Variants in ARHGAP32 observed in about 807,000 individuals in gnomAD.
ARHGAP32 encodes Rho GTPase activating protein 32.
A neutral mutation model predicts 186.5 loss-of-function variants in ARHGAP32; 51 were observed. That is an observed-to-expected ratio of 0.27 (90% confidence interval 0.22 to 0.35). ARHGAP32 has a LOEUF of 0.35. ARHGAP32 is among the 10% of genes least tolerant of loss of function. The pLI is 1.00. For missense variants in ARHGAP32, 2,186 were observed against 2,623.5 expected (o/e 0.83, Z 3.64); for synonymous variants, 950 against 964.3 (o/e 0.99, Z 0.27).
intron 6 of ARHGAP32, among the ~76,000 whole-genome samples, chr11:129,082,970 C>T (rs987368331): frequency 6.6e-6 from 1 of 151,994 alleles, no homozygotes; most frequent in Admixed American, 6.6e-5. Context: ...AGAAGATATA[C>T]AAATGGCCAA....
intron 1 of ARHGAP32, among the ~76,000 whole-genome samples, chr11:129,213,136 C>T (rs1944602196): frequency 6.6e-6 from 1 of 152,148 alleles, no homozygotes; most frequent in Admixed American, 6.6e-5. Context: ...TGTCTAGCCT[C>T]ATACTTTTGT....
intron 11 of ARHGAP32, among the ~76,000 whole-genome samples, chr11:129,005,919 T>C (rs185596915): frequency 1.9e-4 from 29 of 152,308 alleles, no homozygotes; most frequent in African/African-American, 6.3e-4. Flanking sequence ...CTTATAGGCA[T>C]GCTTAATTCG....
chr11:129,272,213 G>T (rs1407605930), intron 1 of ARHGAP32, among the ~76,000 whole-genome samples: 1 of 152,176 alleles, frequency 6.6e-6, no homozygotes, highest in Non-Finnish European at 1.5e-5. Context: ...GGCATCAGTA[G>T]CTCAAGAGAT....
chr11:129,018,258 A>C (rs1253369759), intron 11 of ARHGAP32, among the ~76,000 whole-genome samples: 1 of 152,218 alleles, frequency 6.6e-6, no homozygotes, highest in Non-Finnish European at 1.5e-5. Context: ...TAGCAACTGT[A>C]ATAAATGTAA....
At chr11:129,238,654 G>A (rs1244433363) in intron 1 of ARHGAP32, among the ~76,000 whole-genome samples, 4 of 152,112 alleles carry the variant, frequency 2.6e-5, no homozygotes, top group African/African-American at 9.6e-5. Flanking sequence ...CAGGTGGGAG[G>A]ACTGCTTGAT....
chr11:129,018,361 AAAC>A, intron 11 of ARHGAP32, among the ~76,000 whole-genome samples: 1 of 152,360 alleles, frequency 6.6e-6, no homozygotes, highest in East Asian at 1.9e-4. Context: ...AAGAATGGAA[AAAC>A]AACAATAGGC....
At chr11:128,986,443 C>T (rs1945874769) in intron 14 of ARHGAP32, 81 bp downstream of exon 14, 1 of 1,494,428 alleles carries the variant, frequency 6.7e-7, no homozygotes, top group African/African-American at 1.4e-5. Flanking sequence ...TTACATGTGA[C>T]CAAACCAAAG....
At chr11:129,025,949 T>A (rs1455286519) in intron 11 of ARHGAP32, among the ~76,000 whole-genome samples, 2 of 150,936 alleles carry the variant, frequency 1.3e-5, no homozygotes, top group Non-Finnish European at 3.0e-5. Flanking sequence ...AAGTAATATA[T>A]GTTATATATT....
rs549188545 is a variant in ARHGAP32 at position 128,974,307 on chromosome 11, T to C, written c.2890A>G (p.Asn964Asp). ...TTTACTATCTGGGTGGGGGATCTATTTGTGGCATCCCTTTCTTCAACGCAT... is the reference window on the plus strand; with the variant it reads ...TTTACTATCTGGGTGGGGGATCTATCTGTGGCATCCCTTTCTTCAACGCAT... ...DKCVEERDATNRSPTQIVKMK... is the reference protein window; with the variant it reads ...DKCVEERDATDRSPTQIVKMK... Residue 964 changes from asparagine to aspartate, a missense_variant, in exon 21 of 23, where the codon AAT becomes GAT. Physicochemically the swap from Asn to Asp is conservative, Grantham distance 23 (BLOSUM62 1). Transcript: ENST00000682385. 2.5e-6 allele frequency: 4 copies of C among 1,614,180 alleles called. No homozygotes were observed. Among genetic ancestry groups the C allele is most frequent in the African/African-American group, 2.7e-5 (2 of 75,042 alleles).
Position 128,998,469 on chromosome 11 carries a change from C to T in ARHGAP32, c.1046-1G>A. On this transcript the variant is annotated splice_acceptor_variant, in intron 11 of 22. Transcript: ENST00000682385. LOFTEE classifies it high-confidence loss of function. ...ATGAGCTTGCCGTGCTTTTTAGACA[C>T]TAAAAATCAATAAAGAGAAAAGATC... The T allele has an allele frequency of 6.5e-7, 1 of 1,527,282 alleles. No individual in the cohort carries two copies. The allele number at this position is 1,527,282 out of a possible 1,614,324, so 94.6% of individuals were successfully genotyped here.
In ARHGAP32 at chr11:129,109,215, C is replaced by T. The variant is rs552582069; in HGVS notation, c.444+14231G>A. On this transcript the variant is annotated intron_variant, in intron 5 of 22. Coordinates refer to ENST00000682385, the MANE Select transcript of ARHGAP32 (RefSeq NM_001378024.1). ...ATGACCTTCAGTTCCATCCATGTTG[C>T]TGCAAATGACAGAAATTTCATTCTT... Among the ~76,000 whole-genome samples the T allele has an allele frequency of 3.8e-3, 577 of 152,190 alleles. 2 individuals carry two copies. Among genetic ancestry groups the T allele is most frequent in the African/African-American group, 0.013 (552 of 41,552 alleles).
chr11:129,034,743 A>G lies in ARHGAP32; in HGVS notation c.1045+6185T>C, dbSNP rs75354617. Among the ~76,000 whole-genome samples the G allele has an allele frequency of 2.7e-3, 402 of 149,458 alleles. 5 individuals are homozygous for G. The South Asian group carries it at 0.042, about 16-fold the overall frequency. On this transcript the variant is annotated intron_variant, in intron 11 of 22. Coordinates refer to ENST00000682385, the MANE Select transcript of ARHGAP32 (RefSeq NM_001378024.1). ...AAACTGAAAACAAAAAAAAAAAAAA[A>G]AGAGAGAGAGAAAAAAAGAAAACAG...
At chr11:128,995,341 G>A (rs1311383260) in intron 12 of ARHGAP32, among the ~76,000 whole-genome samples, 1 of 152,126 alleles carries the variant, frequency 6.6e-6, no homozygotes, top group African/African-American at 2.4e-5. Flanking sequence ...AAACTAGCTA[G>A]AAGTATGGGT....
At position 128,966,415 on chromosome 11, in the gene ARHGAP32, C is replaced by G. The variant is rs1186109041; in HGVS notation, c.*2492G>C. The G allele has an allele frequency of 6.6e-6, 1 of 152,170 alleles. No homozygotes were observed. The highest frequency in any genetic ancestry group is 1.5e-5 in the Non-Finnish European group (1 of 68,046). 9.4% of individuals were successfully genotyped at this position (152,170 alleles called of 1,614,324 possible). On this transcript the variant is annotated 3_prime_UTR_variant, in exon 23 of 23. Coordinates refer to ENST00000682385, the MANE Select transcript of ARHGAP32 (RefSeq NM_001378024.1). The stretch of plus-strand genomic sequence containing the variant: ...CCACAACATTAGAAAGGGAAAGATG[C>G]CGGAAAAGTGTTTCAAATAACTGAA...
intron 18 of ARHGAP32, 108 bp from the exon 19 acceptor site, chr11:128,979,023 T>G: frequency 1.0e-6 from 1 of 992,094 alleles, no homozygotes; most frequent in Admixed American, 2.7e-5. Context: ...TGGAGAAGCA[T>G]AAGTGAAACA....
chr11:129,019,212 C>T (rs1052763933), intron 11 of ARHGAP32, among the ~76,000 whole-genome samples: 1 of 152,062 alleles, frequency 6.6e-6, no homozygotes. Context: ...TGCTCCCAGT[C>T]CTACAAAGGC....
chr11:129,038,124 T>A (rs557039327), intron 11 of ARHGAP32, among the ~76,000 whole-genome samples: 26 of 151,804 alleles, frequency 1.7e-4, no homozygotes, highest in South Asian at 8.3e-4. Context: ...AAAAAAGACA[T>A]ATAAATCAAT....
intron 1 of ARHGAP32, among the ~76,000 whole-genome samples, chr11:129,216,188 T>C (rs907693754): frequency 6.6e-6 from 1 of 152,116 alleles, no homozygotes; most frequent in Non-Finnish European, 1.5e-5. Context: ...GGTAATTTGT[T>C]GCAGCAGCAA....
chr11:129,279,532 T>TGGCCGGCGCGTGCCCC (rs1192580247), upstream of ARHGAP32, among the ~76,000 whole-genome samples: 12 of 144,742 alleles, frequency 8.3e-5, no homozygotes, highest in African/African-American at 2.7e-4. Context: ...CCCGCCCAGC[T>TGGCCGGCGCGTGCCCC]GGCCGGCGCG....
Sources: allele counts gnomAD v4.1 joint callset (sites outside exome capture counted in the v4.1 genomes callset), GRCh38; gene constraint gnomAD v4.1.1; transcripts MANE v1.5; gene names NCBI Gene and HGNC (gene_info 2026-07-23, HGNC 2026-07-21).